DGKK: variants seen among roughly 807,000 people sequenced by gnomAD.
DGKK encodes diacylglycerol kinase kappa.
DGKK carries 35 observed loss-of-function variants against 92.2 expected under a neutral mutation model. The ratio of observed to expected loss-of-function variants is 0.38; its 90% confidence interval spans 0.29 to 0.50. DGKK has a LOEUF of 0.50. Ranked by LOEUF, DGKK falls within the 20% of genes least tolerant of loss-of-function variation. The pLI, the probability that DGKK is intolerant of heterozygous loss-of-function variation, is 0.92. For missense variants in DGKK, 910 were observed against 992.2 expected, an observed-to-expected ratio of 0.92 and a Z score of 1.11; for synonymous variants, 368 against 360.6, an observed-to-expected ratio of 1.02 and a Z score of -0.23.
At chrX:50,378,027 G>A in intron 22 of DGKK, 71 bp downstream of exon 22, 1 of 1,100,420 alleles carries the variant, frequency 9.1e-7, no homozygotes, top group Non-Finnish European at 1.2e-6. Flanking sequence ...CTGCTTGAGT[G>A]GAAATATTCA....
chrX:50,454,390 C>G (rs113606911), intron 1 of DGKK, among the ~76,000 whole-genome samples: 1 of 111,081 alleles, frequency 9.0e-6, no homozygotes, highest in Non-Finnish European at 1.9e-5. Context: ...GGTAAGCAGG[C>G]CACCATCATC....
chrX:50,374,909 A>G (rs1029613548), intron 25 of DGKK, 62 bp downstream of exon 25: 1 of 1,057,358 alleles, frequency 9.5e-7, no homozygotes, highest in African/African-American at 1.8e-5. Flanking sequence ...ACCAAGCACA[A>G]GACCATGACC....
chrX:50,398,998 A>C (rs182943708), intron 8 of DGKK, among the ~76,000 whole-genome samples: 3 of 112,536 alleles, frequency 2.7e-5, no homozygotes, highest in Middle Eastern at 4.6e-3. Flanking sequence ...CATCAATTTC[A>C]TCACCTCTTT....
intron 8 of DGKK, among the ~76,000 whole-genome samples, chrX:50,393,938 A>G (rs781932235): frequency 8.9e-6 from 1 of 112,496 alleles, no homozygotes; most frequent in Non-Finnish European, 1.9e-5. Flanking sequence ...TTATCTCACC[A>G]ACTTCCCTGG....
At chrX:50,389,872 A>G (rs2147123817) in intron 12 of DGKK, among the ~76,000 whole-genome samples, 1 of 110,990 alleles carries the variant, frequency 9.0e-6, no homozygotes, top group South Asian at 3.9e-4. Flanking sequence ...TTCCCTCTGG[A>G]TCTCAAGTAT....
At chrX:50,407,500 A>AAGAG (rs782138606) in intron 4 of DGKK, among the ~76,000 whole-genome samples, 13 of 108,892 alleles carry the variant, frequency 1.2e-4, no homozygotes, top group Non-Finnish European at 2.5e-4. Context: ...AGAAGAAAGA[A>AAGAG]AGAGAGAGAG....
At chrX:50,416,704 C>T (rs1925442112) in intron 4 of DGKK, among the ~76,000 whole-genome samples, 1 of 111,795 alleles carries the variant, frequency 8.9e-6, no homozygotes, top group African/African-American at 3.3e-5. Context: ...CCACTTTCTA[C>T]AGTGAAAGGG....
At chrX:50,464,304 A>C (rs1176173450) in intron 1 of DGKK, among the ~76,000 whole-genome samples, 4 of 110,131 alleles carry the variant, frequency 3.6e-5, no homozygotes, top group Admixed American at 9.7e-5. Context: ...ATCTTAAAAA[A>C]AATTGTATTT....
chrX:50,454,001 AAAAG>A (rs1926551559), intron 1 of DGKK, among the ~76,000 whole-genome samples: 1 of 110,089 alleles, frequency 9.1e-6, no homozygotes, highest in Non-Finnish European at 1.9e-5. Context: ...CTTAAAAAAA[AAAAG>A]AAAGAAAAAG....
chrX:50,440,648 G>C (rs1394502104), intron 1 of DGKK, among the ~76,000 whole-genome samples: 1 of 111,175 alleles, frequency 9.0e-6, no homozygotes, highest in African/African-American at 3.3e-5. Flanking sequence ...AATTGGAGTG[G>C]GTGTCACAGT....
At chrX:50,430,412 T>C (rs781840433) in intron 1 of DGKK, among the ~76,000 whole-genome samples, 1 of 112,274 alleles carries the variant, frequency 8.9e-6, no homozygotes, top group South Asian at 3.8e-4. Context: ...CTGCCAGCTC[T>C]ATTAGACATT....
intron 1 of DGKK, among the ~76,000 whole-genome samples, chrX:50,451,320 G>T (rs1232589818): frequency 1.8e-5 from 2 of 111,057 alleles, no homozygotes; most frequent in Non-Finnish European, 3.8e-5. Context: ...TTGGAATAAA[G>T]TTAATACAAA....
chrX:50,368,301 T>G lies in DGKK; in HGVS notation c.*639A>C, dbSNP rs1335719282. On this transcript the variant is annotated 3_prime_UTR_variant, in exon 28 of 28. Coordinates refer to ENST00000611977, the MANE Select transcript of DGKK (RefSeq NM_001013742.4). The stretch of plus-strand genomic sequence containing the variant: ...ACATATGCAGACATACAAGCACACA[T>G]AGAAAAACGCAAAGGGTTTGCAGAG... 9 of 110,119 alleles carry G rather than the reference T, an allele frequency of 8.2e-5. No homozygotes were observed. The highest frequency in any genetic ancestry group is 2.9e-4 in the East Asian group (1 of 3,477). The allele number at this position is 110,119 out of a possible 1,213,427, so 9.1% of individuals were successfully genotyped here.
chrX:50,418,759 T>A (rs1253465091), intron 4 of DGKK, among the ~76,000 whole-genome samples: 2 of 111,274 alleles, frequency 1.8e-5, no homozygotes, highest in African/African-American at 6.5e-5. Context: ...TCCTTTCTAG[T>A]TTGTGCTGGG....
At chrX:50,432,905 G>A in intron 1 of DGKK, among the ~76,000 whole-genome samples, 1 of 111,773 alleles carries the variant, frequency 8.9e-6, no homozygotes, top group Non-Finnish European at 1.9e-5. Context: ...AATTCCTAGG[G>A]AGGGTAAGGA....
intron 4 of DGKK, 93 bp downstream of exon 4, chrX:50,420,310 T>G: frequency 5.0e-6 from 4 of 794,737 alleles, no homozygotes; most frequent in Non-Finnish European, 7.4e-6. Flanking sequence ...TCTGCTTCCA[T>G]CTTATTATTT....
intron 1 of DGKK, among the ~76,000 whole-genome samples, chrX:50,461,599 C>G (rs369893437): frequency 1.4e-4 from 15 of 110,952 alleles, no homozygotes; most frequent in East Asian, 8.5e-4. Flanking sequence ...TAGTGAATAC[C>G]TTGGCAAAGC....
In DGKK at chrX:50,380,034, T is replaced by G. The variant is rs782128685; in HGVS notation, c.2701A>C (p.Lys901Gln). Reference protein sequence around the residue: ...NKMWYGLLGTKELLQRSYRKL... With the variant: ...NKMWYGLLGTQELLQRSYRKL... ...CTGTAAGAGCGCTGCAAAAGTTCTT[T>G]GGTTCCCAGAAGGCCATACCACATC... The change falls in exon 19 of 28, where the codon AAA becomes CAA. Residue 901 changes from lysine (K) to glutamine (Q), a missense_variant. Physicochemically the swap from Lys to Gln is moderately conservative, Grantham distance 53. Coordinates refer to ENST00000611977, the MANE Select transcript of DGKK (RefSeq NM_001013742.4). 6 of 1,210,187 alleles carry G rather than the reference T, an allele frequency of 5.0e-6. No homozygotes were observed. The highest frequency in any genetic ancestry group is 4.5e-6 in the Non-Finnish European group (4 of 895,183).
In DGKK at chrX:50,433,451, G is replaced by C. The variant is rs147973684; in HGVS notation, c.646-9093C>G. On this transcript the variant is annotated intron_variant, in intron 1 of 27. Coordinates refer to ENST00000611977, the MANE Select transcript of DGKK (RefSeq NM_001013742.4). The stretch of plus-strand genomic sequence containing the variant: ...GGTGCCCTATAACTGCAGCCATTGA[G>C]ATTTCACTGTATTGGGAATGCCTCT... Among the ~76,000 whole-genome samples the C allele has an allele frequency of 8.6e-3, 961 of 111,695 alleles. 5 individuals are homozygous for C. Among genetic ancestry groups the C allele is most frequent in the Middle Eastern group, 0.037 (8 of 217 alleles).
Sources: allele counts gnomAD v4.1 joint callset (sites outside exome capture counted in the v4.1 genomes callset), GRCh38; gene constraint gnomAD v4.1.1; transcripts MANE v1.5; gene names NCBI Gene and HGNC (gene_info 2026-07-23, HGNC 2026-07-21).